Variants in SNCAIP observed in about 807,000 individuals in gnomAD.
SNCAIP encodes synphilin-1.
In SNCAIP, 43 loss-of-function variants were observed where a neutral mutation model predicts 86.7. The ratio of observed to expected loss-of-function variants is 0.50; its 90% CI spans 0.39 to 0.64. The LOEUF (loss-of-function observed/expected upper bound fraction) is 0.64, where lower values mean the gene tolerates loss of function less well. Among genes scored for constraint, SNCAIP ranks in the 30% least tolerant of loss-of-function variants. SNCAIP has a pLI of 0.00. For synonymous variants in SNCAIP, 417 were observed against 427.2 expected, an observed-to-expected ratio of 0.98 and a Z score of 0.29; for missense variants, 981 against 1,103.1, an observed-to-expected ratio of 0.89 and a Z score of 1.57.
At chr5:122,350,849 A>G (rs1759634119) in intron 1 of SNCAIP, among the ~76,000 whole-genome samples, 1 of 152,184 alleles carries the variant, frequency 6.6e-6, no homozygotes, top group African/African-American at 2.4e-5. Context: ...GTGAGAATAG[A>G]CAGGAGTGAT....
At chr5:122,439,931 C>T (rs1780439340) in intron 6 of SNCAIP, among the ~76,000 whole-genome samples, 1 of 152,182 alleles carries the variant, frequency 6.6e-6, no homozygotes. Context: ...TGTGACTGCT[C>T]TATGTCTTTG....
intron 1 of SNCAIP, among the ~76,000 whole-genome samples, chr5:122,380,206 C>T (rs1766390681): frequency 6.6e-6 from 1 of 152,130 alleles, no homozygotes; most frequent in Non-Finnish European, 1.5e-5. Context: ...TGATTATTGC[C>T]ACAATTTCAG....
At chr5:122,382,914 T>C (rs1409653023) in intron 1 of SNCAIP, among the ~76,000 whole-genome samples, 1 of 152,184 alleles carries the variant, frequency 6.6e-6, no homozygotes, top group Non-Finnish European at 1.5e-5. Context: ...GATCTCCAGC[T>C]GCGTGCTGGG....
At position 122,440,732 on chromosome 5, in the gene SNCAIP, A is replaced by G. The variant is rs761838774; in HGVS notation, c.1400A>G (p.His467Arg). ...GNSAVHVASQ[H>R]GYLGCIQTLV... ...AGTGCCGTTCACGTAGCCTCACAGC[A>G]TGGCTACCTTGGATGCATACAGGTA... The change falls in exon 7 of 11, where the codon CAT becomes CGT. Residue 467 changes from histidine to arginine, a missense_variant. Transcript: ENST00000261368. 14 of 1,613,854 alleles carry G rather than the reference A, an allele frequency of 8.7e-6. No homozygotes were observed. The highest frequency in any genetic ancestry group is 1.1e-5 in the South Asian group (1 of 91,088).
At chr5:122,408,735 T>A (rs1357719678) in intron 3 of SNCAIP, among the ~76,000 whole-genome samples, 1 of 152,194 alleles carries the variant, frequency 6.6e-6, no homozygotes. Flanking sequence ...AGCCTGAGAA[T>A]GAACTGCCTG....
At chr5:122,388,744 A>G (rs1768741851) in intron 1 of SNCAIP, 1 of 152,246 alleles carries the variant, frequency 6.6e-6, no homozygotes, top group Admixed American at 6.5e-5. Context: ...ATAATTGAGA[A>G]TGTAAATATT....
chr5:122,460,083 G>A (rs1163394491), intron 10 of SNCAIP, among the ~76,000 whole-genome samples: 1 of 151,376 alleles, frequency 6.6e-6, no homozygotes, highest in Non-Finnish European at 1.5e-5. Flanking sequence ...TTACACATAT[G>A]TACTATTTTA....
At position 122,422,928 on chromosome 5, in the gene SNCAIP, C is replaced by T. The variant is rs1776682124; in HGVS notation, c.191C>T (p.Thr64Ile). Residue 64 changes from threonine to isoleucine, a missense_variant, in exon 4 of 11, where the codon ACA becomes ATA. Thr to Ile is a moderately conservative substitution (Grantham distance 89). Coordinates refer to ENST00000261368, the MANE Select transcript of SNCAIP (RefSeq NM_005460.4). ...CTTATTACAAACACGCAAAAGCCCA[C>T]AGGAATCGCTGATGTGTACAGTAAG... ...STLITNTQKP[T>I]GIADVYSKFR... The T allele has an allele frequency of 6.2e-7, 1 of 1,614,090 alleles. No individual in the cohort carries two copies. The highest frequency in any genetic ancestry group is 1.1e-5 in the South Asian group (1 of 91,080).
At chr5:122,332,819 TAGAAC>T (rs1755660501) in intron 1 of SNCAIP, among the ~76,000 whole-genome samples, 1 of 152,164 alleles carries the variant, frequency 6.6e-6, no homozygotes, top group Non-Finnish European at 1.5e-5. Flanking sequence ...TGAGGCCCAT[TAGAAC>T]AAGCAATGGG....
intron 1 of SNCAIP, among the ~76,000 whole-genome samples, chr5:122,322,522 TCA>T (rs754563255): frequency 6.6e-6 from 1 of 152,232 alleles, no homozygotes; most frequent in Non-Finnish European, 1.5e-5. Context: ...AGGTCTAACC[TCA>T]GTTTTACCAT....
chr5:122,348,264 A>T (rs1759026478), intron 1 of SNCAIP, among the ~76,000 whole-genome samples: 1 of 152,164 alleles, frequency 6.6e-6, no homozygotes, highest in African/African-American at 2.4e-5. Context: ...TTATTAAGAT[A>T]TCTTAACTCA....
intron 2 of SNCAIP, chr5:122,401,040 A>G (rs1381792420): frequency 6.5e-7 from 1 of 1,550,310 alleles, no homozygotes. Context: ...GGACACAGAC[A>G]GGGAAGATGC....
At chr5:122,333,923 A>G (rs961630711) in intron 1 of SNCAIP, among the ~76,000 whole-genome samples, 2 of 152,230 alleles carry the variant, frequency 1.3e-5, no homozygotes, top group Non-Finnish European at 2.9e-5. Flanking sequence ...ATAAGAAGCC[A>G]GAAATTGTGG....
intron 1 of SNCAIP, among the ~76,000 whole-genome samples, chr5:122,339,993 TA>T (rs1251309457): frequency 1.3e-5 from 2 of 152,238 alleles, no homozygotes; most frequent in South Asian, 4.1e-4. Context: ...ATATAATCTA[TA>T]AAAAAATGGA....
At chr5:122,445,719 CAA>C (rs544960705) in intron 8 of SNCAIP, among the ~76,000 whole-genome samples, 3 of 117,652 alleles carry the variant, frequency 2.5e-5, no homozygotes, top group Admixed American at 8.7e-5. Context: ...AAAGTATAAT[CAA>C]AAAAAAAAAA....
intron 10 of SNCAIP, among the ~76,000 whole-genome samples, chr5:122,457,686 T>C (rs1459699842): frequency 2.0e-5 from 3 of 152,162 alleles, no homozygotes; most frequent in Non-Finnish European, 4.4e-5. Context: ...CACACCCACC[T>C]CAGCCTCGCC....
intron 8 of SNCAIP, among the ~76,000 whole-genome samples, chr5:122,448,116 T>C (rs1352923360): frequency 6.6e-6 from 1 of 152,220 alleles, no homozygotes; most frequent in Non-Finnish European, 1.5e-5. Flanking sequence ...TAATCGTTGC[T>C]GAGTATATGC....
intron 10 of SNCAIP, among the ~76,000 whole-genome samples, chr5:122,457,984 A>G (rs928243394): frequency 3.9e-5 from 6 of 152,334 alleles, no homozygotes; most frequent in African/African-American, 1.4e-4. Context: ...AAGTCTTTAT[A>G]GAGGCTGGCA....
intron 8 of SNCAIP, among the ~76,000 whole-genome samples, chr5:122,449,161 T>C (rs1175328588): frequency 6.6e-6 from 1 of 152,192 alleles, no homozygotes; most frequent in Non-Finnish European, 1.5e-5. Context: ...CTAGCCTACC[T>C]TAAGCGTGTT....
Sources: gnomAD v4.1 joint callset for allele counts (sites outside exome capture counted in the v4.1 genomes callset) on GRCh38, gnomAD v4.1.1 for gene constraint, MANE v1.5 for transcripts, NCBI Gene and HGNC (gene_info 2026-07-23, HGNC 2026-07-21) for gene names.